Variants in CTPS2 observed in about 807,000 individuals in gnomAD.
CTPS2 encodes CTP synthase II.
CTPS2 carries 19 observed loss-of-function variants against 46.8 expected under a neutral mutation model. The ratio of observed to expected loss-of-function variants is 0.41; its 90% CI spans 0.28 to 0.60. The LOEUF (loss-of-function observed/expected upper bound fraction) is 0.60. Among genes scored for constraint, CTPS2 ranks in the 20% least tolerant of loss-of-function variants. The probability of loss-of-function intolerance (pLI) is 0.35; values close to 1 mark genes in which losing one functional copy is unlikely to be tolerated. For synonymous variants in CTPS2, 151 were observed against 165.2 expected (o/e 0.91, Z 0.66); for missense variants, 286 against 447.6 (o/e 0.64, Z 3.26).
At chrX:16,599,467 C>CTTTT (rs1009319649) in intron 17 of CTPS2, among the ~76,000 whole-genome samples, 10 of 94,541 alleles carry the variant, frequency 1.1e-4, no homozygotes, top group African/African-American at 4.1e-4. Flanking sequence ...TTTTCTTTTT[C>CTTTT]TTTTTTTTCT....
intron 2 of CTPS2, among the ~76,000 whole-genome samples, chrX:16,700,354 T>C (rs1309412372): frequency 9.1e-6 from 1 of 109,684 alleles, no homozygotes; most frequent in Non-Finnish European, 1.9e-5. Context: ...CCTGACCTCG[T>C]GATCCACCTG....
chrX:16,634,342 C>T (rs1043847189), intron 14 of CTPS2, among the ~76,000 whole-genome samples: 53 of 111,641 alleles, frequency 4.7e-4, no homozygotes, highest in African/African-American at 1.7e-3. Flanking sequence ...AATCCTTTAA[C>T]AAATCTCTCC....
intron 18 of CTPS2, 144 bp downstream of exon 18, chrX:16,590,608 C>T (rs1477589058): frequency 4.2e-5 from 16 of 379,671 alleles, no homozygotes; most frequent in Middle Eastern, 3.8e-4. Context: ...GGCTGTCATG[C>T]GTGTCCTGCT....
intron 17 of CTPS2, among the ~76,000 whole-genome samples, chrX:16,607,074 C>G (rs1930016400): frequency 8.9e-6 from 1 of 112,987 alleles, no homozygotes; most frequent in African/African-American, 3.2e-5. Context: ...CAGAGACCAC[C>G]ACCCGCCATG....
At chrX:16,603,066 T>C (rs1296981613) in intron 17 of CTPS2, among the ~76,000 whole-genome samples, 4 of 111,579 alleles carry the variant, frequency 3.6e-5, no homozygotes, top group African/African-American at 1.3e-4. Flanking sequence ...CCTGCCCCAG[T>C]CCTGGAATCA....
At chrX:16,631,220 C>T (rs1321168138) in intron 14 of CTPS2, among the ~76,000 whole-genome samples, 1 of 109,588 alleles carries the variant, frequency 9.1e-6, no homozygotes. Context: ...TGGTGGCGGG[C>T]GCCTGTAGCT....
chrX:16,688,450 T>C (rs1354341892), intron 8 of CTPS2, among the ~76,000 whole-genome samples: 2 of 108,541 alleles, frequency 1.8e-5, no homozygotes, highest in Non-Finnish European at 3.8e-5. Context: ...TTTTTTTTTT[T>C]TTAAGATACA....
At chrX:16,672,916 T>C (rs1166767496) in intron 10 of CTPS2, among the ~76,000 whole-genome samples, 1 of 86,424 alleles carries the variant, frequency 1.2e-5, no homozygotes, top group East Asian at 3.9e-4. Context: ...AGACGGAGTC[T>C]CGCTCTGTCG....
At chrX:16,679,378 T>G (rs899732251) in intron 9 of CTPS2, among the ~76,000 whole-genome samples, 1 of 106,527 alleles carries the variant, frequency 9.4e-6, no homozygotes, top group Non-Finnish European at 1.9e-5. Context: ...AAAATAAAAA[T>G]AAATAAAAAA....
At chrX:16,653,969 T>G (rs1272900130) in intron 13 of CTPS2, among the ~76,000 whole-genome samples, 4 of 110,927 alleles carry the variant, frequency 3.6e-5, no homozygotes. Context: ...TGCTGCCTCA[T>G]GTAATATGTC....
chrX:16,603,416 AAAAT>A (rs3053010), intron 17 of CTPS2, among the ~76,000 whole-genome samples: 2,123 of 88,496 alleles, frequency 0.024, 57 homozygotes, highest in African/African-American at 0.08. Context: ...ACTTGTCTCA[AAAAT>A]AAATAAATAA....
intron 13 of CTPS2, chrX:16,654,660 A>G (rs866874075): frequency 6.0e-5 from 21 of 347,873 alleles, no homozygotes; most frequent in Middle Eastern, 5.6e-4. Flanking sequence ...TAAAGAAATT[A>G]TTAGACATAC....
intron 13 of CTPS2, among the ~76,000 whole-genome samples, chrX:16,658,581 T>C (rs1482225460): frequency 8.9e-6 from 1 of 112,069 alleles, no homozygotes; most frequent in Non-Finnish European, 1.9e-5. Flanking sequence ...AGTCAGAGGG[T>C]ATGGATATTT....
intron 13 of CTPS2, among the ~76,000 whole-genome samples, chrX:16,656,149 A>G (rs1160802570): frequency 9.0e-6 from 1 of 111,718 alleles, no homozygotes; most frequent in Admixed American, 9.5e-5. Flanking sequence ...ACTTGTTTCT[A>G]ATCGCCACCC....
At chrX:16,599,088 C>G in intron 17 of CTPS2, among the ~76,000 whole-genome samples, 1 of 111,672 alleles carries the variant, frequency 9.0e-6, no homozygotes, top group Non-Finnish European at 1.9e-5. Context: ...TATGACAAAC[C>G]GACAGCCAAT....
chrX:16,607,070 C>T (rs1190219767), intron 17 of CTPS2, among the ~76,000 whole-genome samples: 1 of 112,945 alleles, frequency 8.9e-6, no homozygotes, highest in Non-Finnish European at 1.9e-5. Context: ...TACCCAGAGA[C>T]CACCACCCGC....
chrX:16,650,545 C>T (rs760432687), intron 13 of CTPS2, among the ~76,000 whole-genome samples: 2 of 87,016 alleles, frequency 2.3e-5, no homozygotes, highest in Admixed American at 2.9e-4. Flanking sequence ...GCAGCGGAGG[C>T]TCGCTCTGTC....
At chrX:16,690,618 C>T (rs779790257) in intron 7 of CTPS2, among the ~76,000 whole-genome samples, 3 of 111,761 alleles carry the variant, frequency 2.7e-5, no homozygotes, top group Non-Finnish European at 5.6e-5. Context: ...TGCCAAACCT[C>T]ACCCTTTTCC....
chrX:16,688,106 A>G (rs1317593375), intron 8 of CTPS2, among the ~76,000 whole-genome samples: 1 of 111,466 alleles, frequency 9.0e-6, no homozygotes. Context: ...CATTTAGTAA[A>G]AGAAAACAGG....
Sources: allele counts gnomAD v4.1 joint callset (sites outside exome capture counted in the v4.1 genomes callset), GRCh38; gene constraint gnomAD v4.1.1; transcripts MANE v1.5; gene names NCBI Gene and HGNC (gene_info 2026-07-23, HGNC 2026-07-21).